PLPP1: variants seen among roughly 807,000 people sequenced by gnomAD.
PLPP1 encodes lipid phosphate phosphohydrolase 1a.
Under a neutral mutation model 31.2 loss-of-function variants are expected in PLPP1, and 24 were observed. That is an observed-to-expected ratio of 0.77 (90% CI 0.56 to 1.08). The LOEUF is 1.08. Ranked by LOEUF, PLPP1 falls within the 50% of genes least tolerant of loss-of-function variation. The pLI is 0.00. For missense variants in PLPP1, 319 were observed against 342.7 expected, an observed-to-expected ratio of 0.93 and a Z score of 0.55; for synonymous variants, 146 against 126.3, an observed-to-expected ratio of 1.16 and a Z score of -1.05.
intron 3 of PLPP1, among the ~76,000 whole-genome samples, chr5:55,456,908 T>A (rs1330110107): frequency 3.3e-5 from 5 of 152,174 alleles, no homozygotes; most frequent in Non-Finnish European, 7.3e-5. Flanking sequence ...ACGCCTATAA[T>A]CCCAGCACTT....
chr5:55,454,771 T>C (rs1751969079), intron 3 of PLPP1, among the ~76,000 whole-genome samples: 1 of 146,720 alleles, frequency 6.8e-6, no homozygotes, highest in Admixed American at 6.8e-5. Flanking sequence ...AGGTATATGA[T>C]TTAAAAAGCT....
At chr5:55,491,253 A>G in intron 1 of PLPP1, 1 of 830,350 alleles carries the variant, frequency 1.2e-6, no homozygotes. Context: ...CCCAAGGGCA[A>G]AGATTAAGGA....
At chr5:55,476,348 T>C (rs1752551256) in intron 1 of PLPP1, among the ~76,000 whole-genome samples, 1 of 151,930 alleles carries the variant, frequency 6.6e-6, no homozygotes, top group Admixed American at 6.6e-5. Context: ...AAGATGACAA[T>C]GGAGTCAAGC....
At chr5:55,467,510 A>ACTT (rs1752327987) in intron 3 of PLPP1, among the ~76,000 whole-genome samples, 1 of 149,730 alleles carries the variant, frequency 6.7e-6, no homozygotes, top group African/African-American at 2.4e-5. Flanking sequence ...ACATAGTGAG[A>ACTT]CTTAGTCTCT....
At chr5:55,454,079 C>T (rs1751952658) in intron 3 of PLPP1, among the ~76,000 whole-genome samples, 1 of 152,126 alleles carries the variant, frequency 6.6e-6, no homozygotes, top group South Asian at 2.1e-4. Context: ...AAGATTTTCT[C>T]AATTTTTACA....
At chr5:55,516,260 T>G (rs560445486) in intron 1 of PLPP1, among the ~76,000 whole-genome samples, 1 of 152,154 alleles carries the variant, frequency 6.6e-6, no homozygotes, top group African/African-American at 2.4e-5. Flanking sequence ...CTGCCTCACT[T>G]GGACTGTTAC....
At chr5:55,511,844 T>A (rs1052361479) in intron 1 of PLPP1, among the ~76,000 whole-genome samples, 5 of 151,046 alleles carry the variant, frequency 3.3e-5, no homozygotes, top group South Asian at 2.1e-4. Flanking sequence ...TTTTTTTTTT[T>A]ATTTTTAGTA....
intron 3 of PLPP1, among the ~76,000 whole-genome samples, chr5:55,452,081 C>G (rs1403974435): frequency 6.6e-6 from 1 of 152,194 alleles, no homozygotes; most frequent in African/African-American, 2.4e-5. Context: ...AGAGTAAACA[C>G]ACTCTTCCTA....
chr5:55,442,697 TA>T (rs752814246), intron 3 of PLPP1, among the ~76,000 whole-genome samples: 1 of 151,918 alleles, frequency 6.6e-6, no homozygotes, highest in Non-Finnish European at 1.5e-5. Flanking sequence ...CATCTTGCCT[TA>T]CATTTCCCAC....
chr5:55,443,868 AAC>A (rs1435058536), intron 3 of PLPP1, among the ~76,000 whole-genome samples: 1 of 37,960 alleles, frequency 2.6e-5, no homozygotes, highest in Non-Finnish European at 8.1e-5. Flanking sequence ...TAATTTAACA[AAC>A]AGATCATAAT....
chr5:55,502,228 CCTGTAATCCCAGCA>C (rs113740313), intron 1 of PLPP1, among the ~76,000 whole-genome samples: 1,524 of 152,264 alleles, frequency 0.01, 21 homozygotes, highest in African/African-American at 0.035. Context: ...GTGGCTCATG[CCTGTAATCCCAGCA>C]CTTAGGGAGG....
chr5:55,514,105 C>T (rs1396758423), intron 1 of PLPP1, among the ~76,000 whole-genome samples: 2 of 152,082 alleles, frequency 1.3e-5, no homozygotes, highest in Non-Finnish European at 2.9e-5. Context: ...AATGGCCAGG[C>T]ACATGGCTCA....
intron 1 of PLPP1, among the ~76,000 whole-genome samples, chr5:55,485,920 G>C (rs1226308705): frequency 1.3e-5 from 2 of 152,078 alleles, no homozygotes; most frequent in Non-Finnish European, 2.9e-5. Context: ...GTAATCAGCT[G>C]TCTTCCAACT....
intron 1 of PLPP1, among the ~76,000 whole-genome samples, chr5:55,505,282 T>G (rs540362473): frequency 6.6e-6 from 1 of 152,234 alleles, no homozygotes; most frequent in Admixed American, 6.5e-5. Context: ...AATTGTGTAT[T>G]TCCCATTCTC....
At chr5:55,425,678 G>C (rs886165120) in intron 5 of PLPP1, 185 bp downstream of exon 5, 1 of 529,302 alleles carries the variant, frequency 1.9e-6, no homozygotes, top group Non-Finnish European at 3.1e-6. Flanking sequence ...AAACTACTAA[G>C]TTTTAGAAAG....
chr5:55,530,373 T>C, intron 1 of PLPP1: 1 of 1,321,406 alleles, frequency 7.6e-7, no homozygotes, highest in Non-Finnish European at 1.1e-6. Context: ...GTTAGAGTGA[T>C]CCAGTAAACG....
At chr5:55,433,430 C>T (rs1257499944) in intron 4 of PLPP1, among the ~76,000 whole-genome samples, 1 of 35,212 alleles carries the variant, frequency 2.8e-5, no homozygotes, top group Non-Finnish European at 7.6e-5. Context: ...AACCTAAAGA[C>T]TCTACCAAAA....
chr5:55,457,628 C>T (rs183160107), intron 3 of PLPP1, among the ~76,000 whole-genome samples: 22 of 152,250 alleles, frequency 1.4e-4, no homozygotes, highest in African/African-American at 3.9e-4. Context: ...AGGGGGCTCA[C>T]GCCTGTAATC....
chr5:55,464,600 T>G (rs541383441), intron 3 of PLPP1, among the ~76,000 whole-genome samples: 1 of 152,192 alleles, frequency 6.6e-6, no homozygotes, highest in Admixed American at 6.5e-5. Flanking sequence ...AATATTTGCA[T>G]GAATGGATAA....
Sources: allele counts gnomAD v4.1 joint callset (sites outside exome capture counted in the v4.1 genomes callset), GRCh38; gene constraint gnomAD v4.1.1; transcripts MANE v1.5; gene names NCBI Gene and HGNC (gene_info 2026-07-23, HGNC 2026-07-21).